The following HDAC5 variants were observed in gnomAD, a reference collection of about 807,000 sequenced individuals.
The protein encoded by HDAC5 is antigen NY-CO-9.
A neutral mutation model predicts 133.3 loss-of-function variants in HDAC5; 25 were observed. The ratio of observed to expected loss-of-function variants is 0.19; its 90% CI spans 0.14 to 0.26. The LOEUF (loss-of-function observed/expected upper bound fraction) is 0.26. Among genes scored for constraint, HDAC5 ranks in the 10% least tolerant of loss-of-function variants. HDAC5 has a pLI of 1.00. For missense variants in HDAC5, 1,041 were observed against 1,460.5 expected (o/e 0.71, Z 4.68); for synonymous variants, 589 against 610.8 (o/e 0.96, Z 0.53).
At chr17:44,081,920 C>T (rs770274152) in intron 20 of HDAC5, 1 of 152,204 alleles carries the variant, frequency 6.6e-6, no homozygotes, top group African/African-American at 2.4e-5. Context: ...CCAACATTTA[C>T]ATGAATTTTT....
chr17:44,122,508 T>C (rs1359970289), intron 1 of HDAC5, among the ~76,000 whole-genome samples: 1 of 152,120 alleles, frequency 6.6e-6, no homozygotes, highest in Non-Finnish European at 1.5e-5. Context: ...ATGGGTCCCT[T>C]TTGCACCCTC....
chr17:44,080,671 C>A, intron 21 of HDAC5, 92 bp downstream of exon 21: 3 of 1,570,864 alleles, frequency 1.9e-6, no homozygotes, highest in Admixed American at 1.7e-5. Flanking sequence ...GGTACCAACA[C>A]CACCATGGGC....
chr17:44,087,841 G>T, intron 12 of HDAC5, 145 bp from the exon 13 acceptor site: 1 of 1,007,846 alleles, frequency 9.9e-7, no homozygotes, highest in Non-Finnish European at 1.3e-6. Context: ...TAGCTCCTCT[G>T]AGAGGACTTT....
At chr17:44,091,221 T>G in intron 11 of HDAC5, 49 bp downstream of exon 11, 1 of 1,386,558 alleles carries the variant, frequency 7.2e-7, no homozygotes, top group South Asian at 1.2e-5. Flanking sequence ...TCCCTGACAG[T>G]TGGTCCTGAC....
intron 22 of HDAC5, 51 bp from the exon 23 acceptor site, chr17:44,080,276 C>T (rs746207709): frequency 2.1e-5 from 33 of 1,565,652 alleles, no homozygotes; most frequent in Middle Eastern, 1.7e-4. Context: ...GGCCAGGCCT[C>T]GCCCCACTGT....
At chr17:44,088,314 T>C (rs1327471555) in intron 12 of HDAC5, 73 bp downstream of exon 12, 4 of 1,501,690 alleles carry the variant, frequency 2.7e-6, no homozygotes, top group East Asian at 2.5e-5. Flanking sequence ...AAGGAGGACT[T>C]TTCTGCCAGC....
At chr17:44,085,408 A>C (rs1294695014) in intron 14 of HDAC5, 1 of 319,780 alleles carries the variant, frequency 3.1e-6, no homozygotes, top group East Asian at 5.0e-5. Flanking sequence ...ATCATGGCTC[A>C]CTGCAGCCTC....
intron 3 of HDAC5, among the ~76,000 whole-genome samples, chr17:44,107,848 C>T (rs2052066495): frequency 1.3e-5 from 2 of 152,128 alleles, no homozygotes; most frequent in South Asian, 4.1e-4. Context: ...TCCTTCCTGG[C>T]ACAAGCAGGA....
At chr17:44,090,952 G>A (rs899981232) in intron 11 of HDAC5, among the ~76,000 whole-genome samples, 4 of 152,150 alleles carry the variant, frequency 2.6e-5, no homozygotes, top group African/African-American at 9.7e-5. Flanking sequence ...GCCTCCCAAA[G>A]TGCTGGGATT....
intron 3 of HDAC5, among the ~76,000 whole-genome samples, chr17:44,106,544 C>T (rs2051956922): frequency 6.6e-6 from 1 of 151,824 alleles, no homozygotes; most frequent in Admixed American, 6.6e-5. Context: ...GGCATGAGGA[C>T]GTATCTACCC....
rs2050970802 is a variant in HDAC5, at chr17:44,091,914, G to A, written c.1033-83C>T. On this transcript the variant is annotated intron_variant, in intron 9 of 26. Coordinates refer to ENST00000682912, the MANE Select transcript of HDAC5 (RefSeq NM_005474.5). The stretch of plus-strand genomic sequence containing the variant: ...AGGGCAACCTGGGGCCAAGGCCAAG[G>A]TCTCTGAATGGTGCCCAGTTCCCTC... 7 of 1,450,354 alleles carry A rather than the reference G, an allele frequency of 4.8e-6. No individual in the cohort carries two copies. In the South Asian group the frequency reaches 9.7e-5, roughly 20 times the overall value. 89.8% of individuals were successfully genotyped at this position (1,450,354 alleles called of 1,614,324 possible).
intron 16 of HDAC5, among the ~76,000 whole-genome samples, chr17:44,084,346 T>C (rs1475536982): frequency 1.3e-5 from 2 of 152,172 alleles, no homozygotes; most frequent in Non-Finnish European, 2.9e-5. Context: ...ACCGAGCACT[T>C]CCATCCTCCT....
intron 3 of HDAC5, among the ~76,000 whole-genome samples, chr17:44,102,860 G>T (rs1163076161): frequency 6.6e-6 from 1 of 151,730 alleles, no homozygotes; most frequent in Non-Finnish European, 1.5e-5. Flanking sequence ...TAGAGACAGG[G>T]TTTCACCGTG....
intron 2 of HDAC5, among the ~76,000 whole-genome samples, chr17:44,112,797 C>G (rs990404908): frequency 6.6e-6 from 1 of 152,272 alleles, no homozygotes; most frequent in East Asian, 1.9e-4. Context: ...CCAGGGGGTA[C>G]CCAGTGGTGG....
At chr17:44,089,838 C>T (rs1027733746) in intron 11 of HDAC5, among the ~76,000 whole-genome samples, 3 of 148,026 alleles carry the variant, frequency 2.0e-5, no homozygotes, top group East Asian at 4.0e-4. Flanking sequence ...GCAAAAGAAC[C>T]GCTTGAAGCT....
intron 3 of HDAC5, among the ~76,000 whole-genome samples, chr17:44,095,273 AAT>A (rs1426762922): frequency 2.0e-5 from 3 of 152,188 alleles, no homozygotes; most frequent in Non-Finnish European, 4.4e-5. Flanking sequence ...CAATAACTAG[AAT>A]ATGAGTCCAA....
chr17:44,107,679 C>G (rs2052053468), intron 3 of HDAC5, among the ~76,000 whole-genome samples: 1 of 150,970 alleles, frequency 6.6e-6, no homozygotes, highest in African/African-American at 2.4e-5. Flanking sequence ...TATAATAGTT[C>G]CACTCTCACC....
At position 44,117,344 on chromosome 17, in the gene HDAC5, G is replaced by A; in HGVS notation, c.22+150C>T. ...CTCGATTCCCAGGTCTACCTCATGG[G>A]CCCTTTCTTGCAACACTTCTCCACT... On this transcript the variant is annotated intron_variant, in intron 2 of 26. Transcript: ENST00000682912. This position sits in a 1 kb window ranked among gnomAD's most constrained non-coding sequence, Gnocchi z 4.2. 1 of 885,354 alleles carries A rather than the reference G, an allele frequency of 1.1e-6. No individual in the cohort carries two copies. The highest frequency in any genetic ancestry group is 1.4e-5 in the South Asian group (1 of 70,374). The allele number at this position is 885,354 out of a possible 1,614,324, so 54.8% of individuals were successfully genotyped here.
At chr17:44,118,466 C>T (rs1046826012) in intron 1 of HDAC5, among the ~76,000 whole-genome samples, 32 of 152,164 alleles carry the variant, frequency 2.1e-4, no homozygotes, top group Admixed American at 2.0e-3. Flanking sequence ...TGAGTCCACC[C>T]AAAACAAGGG....
Sources: gnomAD v4.1 joint callset for allele counts (sites outside exome capture counted in the v4.1 genomes callset) on GRCh38, gnomAD v4.1.1 for gene constraint, Gnocchi (gnomAD v3.1) non-coding constraint, MANE v1.5 for transcripts, NCBI Gene and HGNC (gene_info 2026-07-23, HGNC 2026-07-21) for gene names.